SPMIP11: variants seen among roughly 807,000 people sequenced by gnomAD.
SPMIP11 encodes sperm microtubule inner protein 11, also known as long intergenic non-protein coding RNA 935.
the SPMIP11 span, chr12:48,766,464 G>T: frequency 6.6e-6 from 1 of 152,664 alleles, no homozygotes; most frequent in Non-Finnish European, 1.5e-5. Context: ...CCAAGGCTGA[G>T]GTCTTCCCAC....
At chr12:48,770,361 C>T in the SPMIP11 span, among the ~76,000 whole-genome samples, 98 of 152,246 alleles carry the variant, frequency 6.4e-4, 1 homozygote, top group Middle Eastern at 6.8e-3. Flanking sequence ...AGTAGCCATG[C>T]TATTAACCAC....
At chr12:48,754,776 T>C in the SPMIP11 span, among the ~76,000 whole-genome samples, 1 of 150,542 alleles carries the variant, frequency 6.6e-6, no homozygotes, top group African/African-American at 2.5e-5. Context: ...AGGCAGGGTC[T>C]TGCTCTGTCA....
the SPMIP11 span, among the ~76,000 whole-genome samples, chr12:48,732,902 A>G: frequency 6.7e-6 from 1 of 149,980 alleles, no homozygotes; most frequent in East Asian, 2.0e-4. Context: ...GCACTTTGGG[A>G]GGCCAAAGCT....
the SPMIP11 span, among the ~76,000 whole-genome samples, chr12:48,738,373 T>A: frequency 2.7e-5 from 4 of 146,020 alleles, no homozygotes; most frequent in African/African-American, 1.1e-4. Context: ...TGTAGCCATA[T>A]AATGGTTGGA....
At chr12:48,735,565 A>T in the SPMIP11 span, among the ~76,000 whole-genome samples, 1 of 150,442 alleles carries the variant, frequency 6.6e-6, no homozygotes, top group Non-Finnish European at 1.5e-5. Flanking sequence ...AGCCTAGGCA[A>T]CAAGATCAAA....
At chr12:48,737,407 A>G in the SPMIP11 span, among the ~76,000 whole-genome samples, 1 of 150,206 alleles carries the variant, frequency 6.7e-6, no homozygotes, top group Non-Finnish European at 1.5e-5. Context: ...ATTTTATTTT[A>G]ATTTTTAATT....
chr12:48,769,683 T>G, the SPMIP11 span, among the ~76,000 whole-genome samples: 2 of 150,728 alleles, frequency 1.3e-5, no homozygotes, highest in Non-Finnish European at 3.0e-5. Flanking sequence ...GCCTCCCAGG[T>G]TCAAGAGATT....
At chr12:48,771,050 C>G in the SPMIP11 span, 1 of 1,384,842 alleles carries the variant, frequency 7.2e-7, no homozygotes. This position sits in a 1 kb window ranked among gnomAD's most constrained non-coding sequence, Gnocchi z 4.3. Context: ...TCTTGCCACG[C>G]CTTGGCTGCC....
the SPMIP11 span, among the ~76,000 whole-genome samples, chr12:48,762,451 T>C: frequency 7.6e-6 from 1 of 130,924 alleles, no homozygotes; most frequent in Non-Finnish European, 1.6e-5. Context: ...CACTGCAACC[T>C]CTGCCTCCCA....
the SPMIP11 span, among the ~76,000 whole-genome samples, chr12:48,737,574 C>G: frequency 2.0e-5 from 3 of 151,690 alleles, no homozygotes; most frequent in South Asian, 6.2e-4. Flanking sequence ...GCAACCATGT[C>G]TGGCTGATAT....
At chr12:48,752,669 C>CTTTTTTTT in the SPMIP11 span, among the ~76,000 whole-genome samples, 5 of 119,290 alleles carry the variant, frequency 4.2e-5, no homozygotes, top group Non-Finnish European at 6.8e-5. Flanking sequence ...CCTATTTATT[C>CTTTTTTTT]TTTTTTTTTT....
chr12:48,747,486 T>A, the SPMIP11 span, among the ~76,000 whole-genome samples: 1 of 152,200 alleles, frequency 6.6e-6, no homozygotes, highest in Non-Finnish European at 1.5e-5. Flanking sequence ...TTTCATTGCA[T>A]CCCAGCCTTG....
the SPMIP11 span, chr12:48,770,728 G>A: frequency 1.3e-6 from 2 of 1,596,404 alleles, no homozygotes; most frequent in Non-Finnish European, 1.7e-6. Context: ...CCTGGAAAAA[G>A]TCCTGGGAAA....
At chr12:48,740,452 G>T in the SPMIP11 span, among the ~76,000 whole-genome samples, 4 of 150,550 alleles carry the variant, frequency 2.7e-5, no homozygotes, top group Non-Finnish European at 5.9e-5. Context: ...ATTACCTACA[G>T]TGCATTTCTC....
chr12:48,744,675 T>A, the SPMIP11 span, among the ~76,000 whole-genome samples: 1 of 151,428 alleles, frequency 6.6e-6, no homozygotes. Flanking sequence ...GCCAAGATCG[T>A]GCCACTGCAC....
the SPMIP11 span, among the ~76,000 whole-genome samples, chr12:48,741,069 C>CTTTT: frequency 6.2e-5 from 7 of 112,516 alleles, no homozygotes; most frequent in Non-Finnish European, 9.2e-5. Flanking sequence ...ATGATATTGA[C>CTTTT]TTTTTTTTTT....
the SPMIP11 span, among the ~76,000 whole-genome samples, chr12:48,739,578 C>A: frequency 0.59 from 90,213 of 151,838 alleles, 27,103 homozygotes; most frequent in East Asian, 0.76. Flanking sequence ...GACGCATAGC[C>A]GGGGAAGCCT....
At chr12:48,760,195 A>G in the SPMIP11 span, among the ~76,000 whole-genome samples, 749 of 151,776 alleles carry the variant, frequency 4.9e-3, 3 homozygotes, top group African/African-American at 0.017. Flanking sequence ...TTTCTTGGAA[A>G]CAGGATCTCA....
At chr12:48,739,145 T>C in the SPMIP11 span, among the ~76,000 whole-genome samples, 1 of 152,200 alleles carries the variant, frequency 6.6e-6, no homozygotes, top group African/African-American at 2.4e-5. Context: ...TATTTTGGTC[T>C]CTGTTTTTCT....
Sources: gnomAD v4.1 joint callset for allele counts (sites outside exome capture counted in the v4.1 genomes callset) on GRCh38, gnomAD v4.1.1 for gene constraint, Gnocchi (gnomAD v3.1) non-coding constraint, MANE v1.5 for transcripts, NCBI Gene and HGNC (gene_info 2026-07-23, HGNC 2026-07-21) for gene names.